The following ADRA1B variants were observed in gnomAD, a reference collection of about 807,000 sequenced individuals.
ADRA1B encodes the protein alpha-1B adrenergic receptor.
A neutral mutation model predicts 17.9 loss-of-function variants in ADRA1B; 17 were observed. The observed-to-expected ratio is 0.95, with a 90% CI of 0.65 to 1.42. The LOEUF is 1.42. Among genes scored for constraint, ADRA1B ranks in the 40% most tolerant of loss-of-function variants. The pLI is 0.00. For synonymous variants in ADRA1B, 366 were observed against 327.6 expected (o/e 1.12, Z -1.27); for missense variants, 681 against 722.1 (o/e 0.94, Z 0.65).
At chr5:159,952,485 G>A (rs561618650) in intron 1 of ADRA1B, among the ~76,000 whole-genome samples, 73 of 152,234 alleles carry the variant, frequency 4.8e-4, no homozygotes, top group Non-Finnish European at 8.7e-4. Context: ...GGAAACTACT[G>A]TCCTTGGCTT....
At chr5:159,910,156 T>C (rs148863215) in intron 1 of ADRA1B, among the ~76,000 whole-genome samples, 1 of 152,158 alleles carries the variant, frequency 6.6e-6, no homozygotes, top group Non-Finnish European at 1.5e-5. Flanking sequence ...CTTTGTTGAG[T>C]GTTTTTACGA....
the ADRA1B span, among the ~76,000 whole-genome samples, chr5:159,988,065 T>C: frequency 2.0e-5 from 3 of 152,208 alleles, no homozygotes; most frequent in African/African-American, 7.2e-5. Flanking sequence ...TGGATTATCC[T>C]GGTGGGCCTG....
chr5:159,907,995 G>T (rs1443462633), intron 1 of ADRA1B, among the ~76,000 whole-genome samples: 4 of 148,976 alleles, frequency 2.7e-5, no homozygotes, highest in Non-Finnish European at 5.9e-5. Context: ...AGAGTTGGTT[G>T]CCATCATGGG....
At chr5:159,938,979 G>A (rs928728735) in intron 1 of ADRA1B, among the ~76,000 whole-genome samples, 1 of 152,120 alleles carries the variant, frequency 6.6e-6, no homozygotes, top group African/African-American at 2.4e-5. Flanking sequence ...TCCCTTAATA[G>A]GTCCCACCAC....
chr5:159,912,724 C>G (rs774894664), upstream of ADRA1B, among the ~76,000 whole-genome samples: 4 of 152,254 alleles, frequency 2.6e-5, no homozygotes, highest in Non-Finnish European at 5.9e-5. Flanking sequence ...CCTCTCTGAA[C>G]GTCAGTTTCC....
At chr5:159,902,727 G>A (rs1052226927) in intron 1 of ADRA1B, among the ~76,000 whole-genome samples, 2 of 152,186 alleles carry the variant, frequency 1.3e-5, no homozygotes, top group Non-Finnish European at 2.9e-5. Context: ...TTGCTCAACC[G>A]ATGTCCATGG....
Position 159,933,131 on chromosome 5 carries a change from T to C in ADRA1B, c.949+15277T>C, listed in dbSNP as rs188792051. Among the ~76,000 whole-genome samples, 18 of 152,362 alleles carry C rather than the reference T, an allele frequency of 1.2e-4. No individual in the cohort carries two copies. In the East Asian group the frequency reaches 3.5e-3, roughly 29 times the overall value. On this transcript the variant is annotated intron_variant, in intron 1 of 1. Coordinates refer to ENST00000306675, the MANE Select transcript of ADRA1B (RefSeq NM_000679.4). ...ATTCACTAAGAGCTGTTATCAAACT[T>C]CTGGATCTTTGCCAACTTAACAGGT...
At chr5:159,899,162 GAAAGAAAAGAAAAGAAAA>G (rs1197868672) in intron 1 of ADRA1B, among the ~76,000 whole-genome samples, 2 of 141,698 alleles carry the variant, frequency 1.4e-5, no homozygotes, top group Non-Finnish European at 3.1e-5. Context: ...AAGGAAGGAA[GAAAGAAAAGAAAAGAAAA>G]AAAGAAAAGA....
chr5:159,913,398 G>C (rs146328505), upstream of ADRA1B, among the ~76,000 whole-genome samples: 1 of 152,320 alleles, frequency 6.6e-6, no homozygotes, highest in African/African-American at 2.4e-5. Context: ...CATTAGCAAA[G>C]GTTGCTGTGT....
chr5:159,980,349 T>C, the ADRA1B span, among the ~76,000 whole-genome samples: 2 of 152,168 alleles, frequency 1.3e-5, no homozygotes, highest in African/African-American at 4.8e-5. Flanking sequence ...ATTTCTTTCT[T>C]AGGTCACATA....
At chr5:159,979,764 A>G in the ADRA1B span, among the ~76,000 whole-genome samples, 9 of 152,180 alleles carry the variant, frequency 5.9e-5, no homozygotes, top group Non-Finnish European at 8.8e-5. Context: ...GCTACTCTGG[A>G]GGCTGAGGCA....
chr5:159,897,255 A>G (rs1260969840), intron 1 of ADRA1B, among the ~76,000 whole-genome samples: 1 of 152,194 alleles, frequency 6.6e-6, no homozygotes, highest in Non-Finnish European at 1.5e-5. Context: ...TGGGAGGCTG[A>G]GGTGGGTGGA....
intron 1 of ADRA1B, among the ~76,000 whole-genome samples, chr5:159,895,139 C>T (rs1349881409): frequency 6.6e-6 from 1 of 152,240 alleles, no homozygotes; most frequent in East Asian, 1.9e-4. Context: ...ATGCAGCCCA[C>T]ACGCTCTGAG....
chr5:159,985,201 C>T, the ADRA1B span, among the ~76,000 whole-genome samples: 1 of 152,148 alleles, frequency 6.6e-6, no homozygotes, highest in Non-Finnish European at 1.5e-5. Context: ...TAAGTGACCC[C>T]CTAAAAGAGG....
chr5:159,868,528 G>A (rs1023155643), intron 1 of ADRA1B: 2 of 152,224 alleles, frequency 1.3e-5, no homozygotes, highest in African/African-American at 4.8e-5. Flanking sequence ...AGTATTGAAG[G>A]ATGATGATCT....
Position 159,972,124 on chromosome 5 carries a change from C to G in ADRA1B, c.1195C>G (p.Arg399Gly). 1 of 1,323,874 alleles carries G rather than the reference C, an allele frequency of 7.6e-7. No homozygotes were observed. The highest frequency in any genetic ancestry group is 9.7e-7 in the Non-Finnish European group (1 of 1,027,562). The allele number at this position is 1,323,874 out of a possible 1,614,324, so 82.0% of individuals were successfully genotyped here. A position where few individuals can be genotyped will look rare whatever the true frequency, so the allele number is the denominator to read the frequency against. ...RPWTRGGSLE[R>G]SQSRKDSLDD... Reference sequence around the variant, plus strand: ...GTGGACGCGCGGCGGCTCGCTGGAGCGCTCGCAGTCGCGCAAGGACTCGCT... The same window carrying G: ...GTGGACGCGCGGCGGCTCGCTGGAGGGCTCGCAGTCGCGCAAGGACTCGCT... Residue 399 changes from arginine (R) to glycine (G), a missense_variant, in exon 2 of 2, where the codon CGC (arginine) becomes GGC (glycine). Around this residue, in one of 3 missense-constraint regions of ADRA1B, gnomAD observed 251 missense variants for 224.9 expected, o/e 1.12. Transcript: ENST00000306675.
At chr5:159,906,621 T>C (rs558000072) in intron 1 of ADRA1B, among the ~76,000 whole-genome samples, 2 of 152,360 alleles carry the variant, frequency 1.3e-5, no homozygotes, top group East Asian at 1.9e-4. Context: ...TAGCTGGCTA[T>C]GCAGACAAAC....
At chr5:159,984,718 C>A in the ADRA1B span, among the ~76,000 whole-genome samples, 1 of 149,098 alleles carries the variant, frequency 6.7e-6, no homozygotes, top group Non-Finnish European at 1.5e-5. Context: ...GCCAACATGG[C>A]GATACCCCAT....
chr5:159,959,062 C>T (rs1755617985), intron 1 of ADRA1B, among the ~76,000 whole-genome samples: 1 of 152,248 alleles, frequency 6.6e-6, no homozygotes, highest in African/African-American at 2.4e-5. Context: ...CATGCCCAGG[C>T]CTGTGCTAGA....
Sources: gnomAD v4.1 joint callset for allele counts (sites outside exome capture counted in the v4.1 genomes callset) on GRCh38, gnomAD v4.1.1 for gene constraint, gnomAD v4.1.1 regional missense constraint, MANE v1.5 for transcripts, NCBI Gene and HGNC (gene_info 2026-07-23, HGNC 2026-07-21) for gene names.